Variants in ALG6 observed in about 807,000 individuals in gnomAD.
ALG6 encodes dolichyl pyrophosphate Man9GlcNAc2 alpha-1,3-glucosyltransferase.
ALG6 carries 46 observed loss-of-function variants against 66.6 expected under a neutral mutation model. That is an observed-to-expected ratio of 0.69 (90% CI 0.55 to 0.88). The LOEUF (loss-of-function observed/expected upper bound fraction) is 0.88, where lower values mean the gene tolerates loss of function less well. Among genes scored for constraint, ALG6 ranks in the 40% least tolerant of loss-of-function variants. The pLI, the probability that ALG6 is intolerant of heterozygous loss-of-function variation, is 0.00. For synonymous variants in ALG6, 185 were observed against 203.7 expected (o/e 0.91, Z 0.78); for missense variants, 505 against 586.8 (o/e 0.86, Z 1.44).
intron 12 of ALG6, among the ~76,000 whole-genome samples, chr1:63,424,999 C>T (rs767787460): frequency 1.3e-5 from 2 of 151,966 alleles, no homozygotes; most frequent in South Asian, 2.1e-4. Context: ...AGGCTGGTCT[C>T]GAACTCCTGA....
At chr1:63,407,666 T>G (rs1644495400) in intron 7 of ALG6, among the ~76,000 whole-genome samples, 1 of 152,042 alleles carries the variant, frequency 6.6e-6, no homozygotes, top group African/African-American at 2.4e-5. Context: ...TCTGTATATA[T>G]CTATCTAATT....
At chr1:63,423,781 A>C (rs1039593179) in intron 12 of ALG6, among the ~76,000 whole-genome samples, 1 of 152,164 alleles carries the variant, frequency 6.6e-6, no homozygotes, top group Non-Finnish European at 1.5e-5. Flanking sequence ...GGCTGTTGTG[A>C]ATAGTGCCAC....
At chr1:63,418,786 G>A (rs1026961971) in intron 11 of ALG6, among the ~76,000 whole-genome samples, 2 of 152,138 alleles carry the variant, frequency 1.3e-5, no homozygotes, top group South Asian at 2.1e-4. Flanking sequence ...AGGAGGTGCT[G>A]TAGATAGCAT....
At chr1:63,430,101 T>C (rs1644638153) in intron 14 of ALG6, among the ~76,000 whole-genome samples, 1 of 152,194 alleles carries the variant, frequency 6.6e-6, no homozygotes, top group South Asian at 2.1e-4. Context: ...CAAGCTGTTC[T>C]TGAACTCCTG....
Position 63,385,372 on chromosome 1 carries a change from G to A in ALG6, c.83-11141G>A, listed in dbSNP as rs147281206. Among the ~76,000 whole-genome samples the A allele has an allele frequency of 3.5e-3, 523 of 150,858 alleles. 3 individuals are homozygous for A. The highest frequency in any genetic ancestry group is 0.011 in the African/African-American group (464 of 41,170). The stretch of plus-strand genomic sequence containing the variant: ...ATGCCACCATGCCCGACAAATTTTT[G>A]TATTATTTTTATTTTTTTTTAGTAG... On this transcript the variant is annotated intron_variant, in intron 2 of 14. Transcript: ENST00000263440.
rs1270255932 is a variant in ALG6 at position 63,433,331 on chromosome 1, A to AT, written c.1327-3490dup. Among the ~76,000 whole-genome samples the AT allele has an allele frequency of 2.6e-5, 4 of 152,190 alleles. No individual in the cohort carries two copies. Among genetic ancestry groups the AT allele is most frequent in the African/African-American group, 9.7e-5 (4 of 41,440 alleles). ...CAAAGAGAAAAGAATGACTAACTCT[A>AT]TTAGGGGAGTGTAGGGGAAGGTTTC... On this transcript the variant is annotated intron_variant, in intron 14 of 14. Transcript: ENST00000263440. The surrounding 1 kb of genome is among the most constrained non-coding windows in gnomAD (Gnocchi z 4.2).
intron 12 of ALG6, among the ~76,000 whole-genome samples, chr1:63,422,224 T>G (rs1408298595): frequency 8.7e-5 from 5 of 57,702 alleles, no homozygotes; most frequent in African/African-American, 3.6e-4. Context: ...TATATTTATA[T>G]AAATATAAAT....
intron 2 of ALG6, among the ~76,000 whole-genome samples, chr1:63,371,825 G>T (rs1052691274): frequency 1.3e-5 from 2 of 152,054 alleles, no homozygotes; most frequent in African/African-American, 4.8e-5. Flanking sequence ...GGCTGGTGTC[G>T]AACTCCTGAC....
In ALG6 at chr1:63,429,119, A is replaced by G. The variant is rs1475278999; in HGVS notation, c.1319A>G (p.Gln440Arg). The G allele has an allele frequency of 3.1e-6, 5 of 1,590,598 alleles. No individual in the cohort carries two copies. Among genetic ancestry groups the G allele is most frequent in the Non-Finnish European group, 2.6e-6 (3 of 1,165,126 alleles). The change falls in exon 14 of 15, where the codon CAA becomes CGA. Residue 440 changes from glutamine (Q) to arginine (R), a missense_variant. Transcript: ENST00000263440. The part of the protein sequence containing the change: ...PCFTFLSRII[Q>R]YLFLISVITM... ...TTTACATTTCTTTCCAGAATTATAC[A>G]ATATTTGGTAAGTTCAATTTTTAAG... is the stretch of plus-strand genomic sequence containing the variant.
intron 2 of ALG6, among the ~76,000 whole-genome samples, chr1:63,383,786 T>C (rs1233336996): frequency 6.6e-6 from 1 of 152,208 alleles, no homozygotes; most frequent in Non-Finnish European, 1.5e-5. Context: ...TCCGTGTAAT[T>C]ATATTTTTGA....
chr1:63,385,178 C>T (rs1431973940), intron 2 of ALG6, among the ~76,000 whole-genome samples: 3 of 92,684 alleles, frequency 3.2e-5, no homozygotes, highest in South Asian at 3.5e-4. Context: ...AGATCTTTTA[C>T]TTCTTCTTTT....
Position 63,412,069 on chromosome 1 carries a change from TA to T in ALG6, c.816+11del, listed in dbSNP as rs1644519196. On this transcript the variant is annotated intron_variant, in intron 9 of 14. Transcript: ENST00000263440. ...GATCGTGGATTATTTGAGGCATGTT[TA>T]AACACTTTCCTCTCCTTTCTGTTAC... 6.2e-7 allele frequency: 1 copy of T among 1,614,054 alleles called. No homozygotes were observed. The highest frequency in any genetic ancestry group is 8.5e-7 in the Non-Finnish European group (1 of 1,179,954).
rs576023359 is a variant in ALG6, at chr1:63,379,895, A to G, written c.82+8836A>G. ...ATTGCTGGAAACCGAAGTGCCATCT[A>G]TATTTTTAAAAGCTCCATAAGTTAT... On this transcript the variant is annotated intron_variant, in intron 2 of 14. Coordinates refer to ENST00000263440, the MANE Select transcript of ALG6 (RefSeq NM_013339.4). Among the ~76,000 whole-genome samples the G allele has an allele frequency of 1.0e-3, 159 of 151,890 alleles. 1 individual carries two copies. Among genetic ancestry groups the G allele is most frequent in the Admixed American group, 3.6e-3 (55 of 15,264 alleles).
In ALG6 at chr1:63,437,647, CTTAT is replaced by C. The variant is rs1020231159; in HGVS notation, c.*634_*637del. The stretch of plus-strand genomic sequence containing the variant: ...TTTAACAAGGCAAATAAACCATAAT[CTTAT>C]TTATTTCCAAGAATGCATATTTTAA... On this transcript the variant is annotated 3_prime_UTR_variant, in exon 15 of 15. Transcript: ENST00000263440. The C allele has an allele frequency of 2.0e-4, 31 of 152,146 alleles. No homozygotes were observed. Among genetic ancestry groups the C allele is most frequent in the Admixed American group, 1.4e-3 (21 of 15,264 alleles). The allele number at this position is 152,146 out of a possible 1,614,324, so 9.4% of individuals were successfully genotyped here.
chr1:63,429,437 G>T (rs1351687491), intron 14 of ALG6: 2 of 263,410 alleles, frequency 7.6e-6, no homozygotes, highest in Non-Finnish European at 1.5e-5. Context: ...TGCCTACTTT[G>T]GACATTGCAT....
chr1:63,409,890 T>C (rs1161146832), intron 7 of ALG6, among the ~76,000 whole-genome samples: 1 of 152,210 alleles, frequency 6.6e-6, no homozygotes, highest in Non-Finnish European at 1.5e-5. Context: ...CTGGATAGTT[T>C]AGTTCATTTC....
At chr1:63,406,989 A>G (rs1644492390) in intron 6 of ALG6, 73 bp from the exon 7 acceptor site, 1 of 1,209,440 alleles carries the variant, frequency 8.3e-7, no homozygotes, top group Non-Finnish European at 1.2e-6. Context: ...TGTGTTAGAT[A>G]AAAACCACAC....
At chr1:63,422,148 A>T (rs1173009544) in intron 12 of ALG6, among the ~76,000 whole-genome samples, 11 of 62,706 alleles carry the variant, frequency 1.8e-4, no homozygotes, top group South Asian at 7.2e-4. Context: ...AATATATATA[A>T]ATATAAATAT....
At chr1:63,412,089 C>T (rs769167626) in intron 9 of ALG6, 28 bp downstream of exon 9, 68 of 1,613,684 alleles carry the variant, frequency 4.2e-5, no homozygotes, top group Non-Finnish European at 5.4e-5. Flanking sequence ...CCTCTCCTTT[C>T]TGTTACTGTA....
Sources: allele counts gnomAD v4.1 joint callset (sites outside exome capture counted in the v4.1 genomes callset), GRCh38; gene constraint gnomAD v4.1.1; non-coding constraint Gnocchi (gnomAD v3.1); transcripts MANE v1.5; gene names NCBI Gene and HGNC (gene_info 2026-07-23, HGNC 2026-07-21).